The following CPA6 variants were observed in gnomAD, a reference collection of about 807,000 sequenced individuals.
The protein encoded by CPA6 is carboxypeptidase A6, also known as carboxypeptidase B.
In CPA6, 58 loss-of-function variants were observed where a neutral mutation model predicts 63.3. The ratio of observed to expected loss-of-function variants is 0.92; its 90% confidence interval spans 0.74 to 1.14. The LOEUF (loss-of-function observed/expected upper bound fraction) is 1.14, where lower values mean the gene tolerates loss of function less well. Ranked by LOEUF, CPA6 falls within the 50% of genes most tolerant of loss-of-function variation. The probability of loss-of-function intolerance (pLI) is 0.00; values close to 1 mark genes in which losing one functional copy is unlikely to be tolerated. For missense variants in CPA6, 565 were observed against 526.6 expected, an observed-to-expected ratio of 1.07 and a Z score of -0.71; for synonymous variants, 185 against 179.0, an observed-to-expected ratio of 1.03 and a Z score of -0.27.
intron 1 of CPA6, among the ~76,000 whole-genome samples, chr8:67,670,108 C>T (rs997573323): frequency 3.3e-5 from 5 of 152,182 alleles, no homozygotes; most frequent in African/African-American, 1.2e-4. Flanking sequence ...ATGTAGAATA[C>T]ATGCCTATTA....
At chr8:67,461,741 C>T (rs985702003) in intron 8 of CPA6, among the ~76,000 whole-genome samples, 2 of 151,642 alleles carry the variant, frequency 1.3e-5, no homozygotes, top group Admixed American at 6.5e-5. Context: ...GGCAGAGGGG[C>T]GCCTCACTTC....
In CPA6 at chr8:67,651,584, C is replaced by T. The variant is rs143951824; in HGVS notation, c.117-27333G>A. 1.1e-4 allele frequency among the ~76,000 whole-genome samples: 17 copies of T among 152,162 alleles called. 1 individual carries two copies. In the East Asian group the frequency reaches 2.7e-3, roughly 24 times the overall value. On this transcript the variant is annotated intron_variant, in intron 1 of 10. Transcript: ENST00000297770. Reference sequence around the variant, plus strand: ...ATTAGCCTCATGAATCATGTATTCACAAGAAACACACTCATTGTATTCTCT... The same window carrying T: ...ATTAGCCTCATGAATCATGTATTCATAAGAAACACACTCATTGTATTCTCT...
intron 8 of CPA6, among the ~76,000 whole-genome samples, chr8:67,465,813 G>C (rs1298792522): frequency 1.3e-5 from 2 of 152,144 alleles, no homozygotes; most frequent in Non-Finnish European, 2.9e-5. Context: ...CCTACTTGAT[G>C]ATGATGAATT....
intron 1 of CPA6, among the ~76,000 whole-genome samples, chr8:67,704,548 G>A (rs986359803): frequency 5.3e-5 from 8 of 152,194 alleles, no homozygotes; most frequent in African/African-American, 1.9e-4. Context: ...GCTGGTCCAA[G>A]GACAGATTAC....
intron 1 of CPA6, among the ~76,000 whole-genome samples, chr8:67,632,188 TCA>T (rs1222402244): frequency 1.3e-5 from 2 of 150,850 alleles, no homozygotes; most frequent in Non-Finnish European, 3.0e-5. Flanking sequence ...GTGTGTTTTC[TCA>T]GAGACAGTCT....
At chr8:67,537,045 C>G (rs375767635) in intron 2 of CPA6, among the ~76,000 whole-genome samples, 1 of 152,078 alleles carries the variant, frequency 6.6e-6, no homozygotes, top group African/African-American at 2.4e-5. Flanking sequence ...GGGATGAAGC[C>G]GACTTGATCA....
At chr8:67,565,464 A>G (rs1408627562) in intron 2 of CPA6, among the ~76,000 whole-genome samples, 1 of 152,066 alleles carries the variant, frequency 6.6e-6, no homozygotes, top group Non-Finnish European at 1.5e-5. Context: ...TAGGCTAAGG[A>G]CCTCTCCCAC....
chr8:67,556,030 G>C (rs190946900), intron 2 of CPA6, among the ~76,000 whole-genome samples: 1 of 152,320 alleles, frequency 6.6e-6, no homozygotes, highest in African/African-American at 2.4e-5. Context: ...GTTCTAAACA[G>C]AGGCTGTTCC....
intron 6 of CPA6, among the ~76,000 whole-genome samples, chr8:67,490,778 C>A (rs1022525806): frequency 4.6e-5 from 7 of 152,068 alleles, no homozygotes; most frequent in Non-Finnish European, 8.8e-5. Context: ...ATGACTAATG[C>A]CTTTGTGTGG....
intron 1 of CPA6, among the ~76,000 whole-genome samples, chr8:67,662,371 T>G (rs1816128614): frequency 6.6e-6 from 1 of 151,994 alleles, no homozygotes; most frequent in Non-Finnish European, 1.5e-5. Flanking sequence ...AGTGATGTTA[T>G]TCTAGAAAAT....
At chr8:67,701,682 C>T (rs1431227192) in intron 1 of CPA6, among the ~76,000 whole-genome samples, 2 of 152,126 alleles carry the variant, frequency 1.3e-5, no homozygotes, top group Non-Finnish European at 2.9e-5. Context: ...ACAAGAGAAA[C>T]GCAAATCACT....
chr8:67,510,263 T>A lies in CPA6; in HGVS notation c.433-645A>T, dbSNP rs186680603. Among the ~76,000 whole-genome samples the A allele has an allele frequency of 2.0e-4, 30 of 152,278 alleles. No homozygotes were observed. In the East Asian group the frequency reaches 5.4e-3, roughly 27 times the overall value. ...CTTCATTCCTGACTTAAAAGCCTTA[T>A]AAGGTGTAAAAAAACAACACAAAAG... is the stretch of plus-strand genomic sequence containing the variant. On this transcript the variant is annotated intron_variant, in intron 4 of 10. Transcript: ENST00000297770.
At chr8:67,672,706 C>T (rs1455115298) in intron 1 of CPA6, among the ~76,000 whole-genome samples, 1 of 152,136 alleles carries the variant, frequency 6.6e-6, no homozygotes, top group Non-Finnish European at 1.5e-5. Flanking sequence ...TGCCATTAAC[C>T]TAGGCATCAA....
At chr8:67,552,582 G>T (rs540838157) in intron 2 of CPA6, among the ~76,000 whole-genome samples, 6 of 151,756 alleles carry the variant, frequency 4.0e-5, no homozygotes, top group Admixed American at 3.9e-4. Flanking sequence ...GACCATCCTG[G>T]CTAACACAGT....
intron 1 of CPA6, among the ~76,000 whole-genome samples, chr8:67,662,563 TATAG>T (rs1365649427): frequency 3.5e-4 from 49 of 138,624 alleles, no homozygotes; most frequent in Admixed American, 5.7e-4. Flanking sequence ...TATATGTATA[TATAG>T]AATACATACA....
intron 1 of CPA6, among the ~76,000 whole-genome samples, chr8:67,683,052 G>A (rs1329102613): frequency 6.6e-6 from 1 of 152,238 alleles, no homozygotes; most frequent in African/African-American, 2.4e-5. Flanking sequence ...AACTCAGGGT[G>A]ATGTCTGGGT....
intron 1 of CPA6, among the ~76,000 whole-genome samples, chr8:67,632,940 T>C (rs1484292108): frequency 1.3e-5 from 2 of 152,220 alleles, no homozygotes; most frequent in African/African-American, 4.8e-5. Flanking sequence ...ATTAAGCATA[T>C]TGATTATATG....
chr8:67,542,954 A>G (rs1416853473), intron 2 of CPA6, among the ~76,000 whole-genome samples: 1 of 152,220 alleles, frequency 6.6e-6, no homozygotes, highest in Non-Finnish European at 1.5e-5. Context: ...TTACTAGAAT[A>G]AGAACCTATA....
chr8:67,606,437 C>A (rs923895831), intron 2 of CPA6, among the ~76,000 whole-genome samples: 2 of 152,096 alleles, frequency 1.3e-5, no homozygotes, highest in South Asian at 2.1e-4. Flanking sequence ...GAGGACCACC[C>A]AAAGTCTCTT....
Sources: gnomAD v4.1 joint callset for allele counts (sites outside exome capture counted in the v4.1 genomes callset) on GRCh38, gnomAD v4.1.1 for gene constraint, MANE v1.5 for transcripts, NCBI Gene and HGNC (gene_info 2026-07-23, HGNC 2026-07-21) for gene names.